The following LIMK2 variants were observed in gnomAD, a reference collection of about 807,000 sequenced individuals.
LIMK2 encodes the protein LIM domain kinase 2.
LIMK2 carries 35 observed loss-of-function variants against 75.7 expected under a neutral mutation model. That is an observed-to-expected ratio of 0.46 (90% confidence interval 0.35 to 0.61). The LOEUF (loss-of-function observed/expected upper bound fraction) is 0.61. Ranked by LOEUF, LIMK2 falls within the 20% of genes least tolerant of loss-of-function variation. The pLI is 0.00. For synonymous variants in LIMK2, 301 were observed against 319.2 expected (o/e 0.94, Z 0.61); for missense variants, 623 against 831.0 (o/e 0.75, Z 3.08).
intron 2 of LIMK2, among the ~76,000 whole-genome samples, chr22:31,246,185 A>ACG (rs1306488032): frequency 9.1e-5 from 7 of 76,522 alleles, no homozygotes; most frequent in African/African-American, 8.9e-4. Flanking sequence ...GCACGCACGC[A>ACG]CACACACACA....
intron 2 of LIMK2, among the ~76,000 whole-genome samples, chr22:31,232,779 T>C (rs1385002749): frequency 1.3e-5 from 2 of 151,872 alleles, no homozygotes; most frequent in African/African-American, 4.8e-5. Context: ...TTTTAATTTT[T>C]TGTAGAGACA....
intron 2 of LIMK2, 62 bp from the exon 3 acceptor site, chr22:31,258,229 A>G: frequency 6.6e-7 from 1 of 1,507,934 alleles, no homozygotes; most frequent in South Asian, 1.3e-5. Context: ...GGAACCAGGG[A>G]CAGCTTATGT....
intron 1 of LIMK2, among the ~76,000 whole-genome samples, chr22:31,218,049 T>TC (rs1327329136): frequency 2.6e-5 from 4 of 152,108 alleles, no homozygotes; most frequent in African/African-American, 9.7e-5. Flanking sequence ...CTTAACCTTT[T>TC]CCCCAGCCAA....
intron 2 of LIMK2, among the ~76,000 whole-genome samples, chr22:31,235,480 G>A (rs1385498860): frequency 6.6e-6 from 1 of 152,154 alleles, no homozygotes; most frequent in Non-Finnish European, 1.5e-5. Flanking sequence ...TCCAGCAGCA[G>A]GTCTTGAGCT....
Position 31,268,150 on chromosome 22 carries a change from T to C in LIMK2, c.1267T>C (p.Phe423Leu). 6.2e-7 allele frequency: 1 copy of C among 1,613,788 alleles called. No individual in the cohort carries two copies. The highest frequency in any genetic ancestry group is 8.5e-7 in the Non-Finnish European group (1 of 1,179,748). Reference sequence around the variant, plus strand: ...ATCATTCCCCATTCTGCAGGATCCGTTCCCCTGGCAGCAGAAGGTCAGGTT... The same window carrying C: ...ATCATTCCCCATTCTGCAGGATCCGCTCCCCTGGCAGCAGAAGGTCAGGTT... Reference protein sequence around the residue: ...LKDFLRSMDPFPWQQKVRFAK... With the variant: ...LKDFLRSMDPLPWQQKVRFAK... Residue 423 changes from phenylalanine to leucine, a missense_variant, in exon 11 of 16, where the codon TTC (phenylalanine) becomes CTC (leucine). Around this residue, in one of 3 missense-constraint regions of LIMK2, gnomAD observed 514 missense variants for 661.3 expected, o/e 0.78. Transcript: ENST00000331728.
At chr22:31,215,034 C>T (rs1245610238) in intron 1 of LIMK2, among the ~76,000 whole-genome samples, 5 of 152,162 alleles carry the variant, frequency 3.3e-5, no homozygotes, top group Non-Finnish European at 1.5e-5. Context: ...TGAGCTCAGG[C>T]AGTCCACCCG....
rs770104731 is a variant in LIMK2 at position 31,248,627 on chromosome 22, C to G, written c.117-9664C>G. 4 of 1,612,848 alleles carry G rather than the reference C, an allele frequency of 2.5e-6. No homozygotes were observed. In the Admixed American group the frequency reaches 6.7e-5, roughly 27 times the overall value. Reference sequence around the variant, plus strand: ...CCTGCAGCCAGAGGTGCCGGGAGCCCCGGGCCTGTCATGGTGGCCATCTAC... The same window carrying G: ...CCTGCAGCCAGAGGTGCCGGGAGCCGCGGGCCTGTCATGGTGGCCATCTAC... On this transcript the variant is annotated intron_variant, in intron 2 of 15. Transcript: ENST00000331728.
chr22:31,250,179 G>A (rs2048711206), intron 2 of LIMK2, among the ~76,000 whole-genome samples: 1 of 152,152 alleles, frequency 6.6e-6, no homozygotes, highest in African/African-American at 2.4e-5. Context: ...AATGGAAATT[G>A]ATCTTGAGTT....
In LIMK2 at chr22:31,276,709, C is replaced by CG. The variant is rs1256984113; in HGVS notation, c.1772+1407dup. The CG allele has an allele frequency of 5.0e-5, 67 of 1,349,336 alleles. 1 individual carries two copies. The highest frequency in any genetic ancestry group is 2.7e-4 in the South Asian group (16 of 58,266). The allele number at this position is 1,349,336 out of a possible 1,614,324, so 83.6% of individuals were successfully genotyped here. A position where few individuals can be genotyped will look rare whatever the true frequency, so the allele number is the denominator to read the frequency against. On this transcript the variant is annotated intron_variant, in intron 15 of 15. Coordinates refer to ENST00000331728, the MANE Select transcript of LIMK2 (RefSeq NM_005569.4). ...GCCGCCGTGGCGGACAGCGGCACCG[C>CG]GGGGGGCGCGGCGTTGGCGGCCCCG...
intron 2 of LIMK2, among the ~76,000 whole-genome samples, chr22:31,250,961 T>C (rs1280472718): frequency 1.3e-5 from 2 of 152,026 alleles, no homozygotes; most frequent in African/African-American, 2.4e-5. Flanking sequence ...CCAGATTCCA[T>C]GGGGACATGA....
intron 2 of LIMK2, among the ~76,000 whole-genome samples, chr22:31,242,593 ACTT>A (rs370754924): frequency 0.013 from 2,034 of 152,364 alleles, 21 homozygotes; most frequent in Middle Eastern, 0.027. Flanking sequence ...ATTTCATGTG[ACTT>A]GGTATCCTCA....
At chr22:31,265,869 A>AAGTTTCCTC in intron 7 of LIMK2, 77 bp from the exon 8 acceptor site, 4 of 1,220,074 alleles carry the variant, frequency 3.3e-6, no homozygotes, top group Non-Finnish European at 4.7e-6. Flanking sequence ...AGGTGCCCCT[A>AAGTTTCCTC]AGTTTCCTCC....
At chr22:31,239,909 C>G (rs1244732152) in intron 2 of LIMK2, among the ~76,000 whole-genome samples, 2 of 152,160 alleles carry the variant, frequency 1.3e-5, no homozygotes, top group Admixed American at 6.5e-5. Flanking sequence ...TAGGCAAGAG[C>G]TTATCTTTTG....
intron 2 of LIMK2, among the ~76,000 whole-genome samples, chr22:31,226,178 C>CTTATTTTATTTTATTTTATTTTATT (rs144244697): frequency 1.3e-3 from 189 of 146,012 alleles, no homozygotes; most frequent in African/African-American, 4.2e-3. Context: ...TGTTTGTATT[C>CTTATTTTATTTTATTTTATTTTATT]TTATTTTATT....
intron 2 of LIMK2, among the ~76,000 whole-genome samples, chr22:31,226,795 A>G (rs2048484125): frequency 1.3e-5 from 2 of 152,050 alleles, no homozygotes; most frequent in South Asian, 4.1e-4. Flanking sequence ...TTTTTAGTAG[A>G]GGCGGGGTTT....
At chr22:31,255,114 A>G (rs1252000101) in intron 2 of LIMK2, among the ~76,000 whole-genome samples, 2 of 152,166 alleles carry the variant, frequency 1.3e-5, no homozygotes, top group African/African-American at 2.4e-5. Flanking sequence ...ATCTAGGGAA[A>G]AACACAGATA....
intron 2 of LIMK2, among the ~76,000 whole-genome samples, chr22:31,254,998 C>T (rs2048763612): frequency 6.6e-6 from 1 of 152,088 alleles, no homozygotes; most frequent in South Asian, 2.1e-4. Flanking sequence ...TCACTGCTAC[C>T]TTGAAAGTAG....
chr22:31,234,151 T>A (rs936266987), intron 2 of LIMK2, among the ~76,000 whole-genome samples: 1 of 151,910 alleles, frequency 6.6e-6, no homozygotes, highest in Non-Finnish European at 1.5e-5. Context: ...TAGCTGGGAT[T>A]AAGGCACCGG....
chr22:31,265,367 A>G (rs1468902773), intron 7 of LIMK2, among the ~76,000 whole-genome samples: 1 of 151,912 alleles, frequency 6.6e-6, no homozygotes, highest in African/African-American at 2.4e-5. Flanking sequence ...CTCTGTCTCA[A>G]AAATAATAAT....
Sources: gnomAD v4.1 joint callset for allele counts (sites outside exome capture counted in the v4.1 genomes callset) on GRCh38, gnomAD v4.1.1 for gene constraint, gnomAD v4.1.1 regional missense constraint, MANE v1.5 for transcripts, NCBI Gene and HGNC (gene_info 2026-07-23, HGNC 2026-07-21) for gene names.